The following RASAL2 variants were observed in gnomAD, a reference collection of about 807,000 sequenced individuals.
RASAL2 encodes ras GTPase-activating protein nGAP.
In RASAL2, 58 loss-of-function variants were observed where a neutral mutation model predicts 128.9. That is an observed-to-expected ratio of 0.45 (90% CI 0.36 to 0.56). RASAL2 has a LOEUF of 0.56. Among genes scored for constraint, RASAL2 ranks in the 20% least tolerant of loss-of-function variants. The pLI is 0.00. For synonymous variants in RASAL2, 561 were observed against 580.8 expected (o/e 0.97, Z 0.49); for missense variants, 1,360 against 1,601.6 (o/e 0.85, Z 2.57).
chr1:178,423,803 C>A (rs1278127200), intron 5 of RASAL2, among the ~76,000 whole-genome samples: 1 of 152,044 alleles, frequency 6.6e-6, no homozygotes, highest in Non-Finnish European at 1.5e-5. Flanking sequence ...CTGTGACTTA[C>A]CTATTTCCTT....
chr1:178,314,911 G>A (rs1032317363), intron 3 of RASAL2, among the ~76,000 whole-genome samples: 1 of 146,016 alleles, frequency 6.8e-6, no homozygotes, highest in African/African-American at 2.5e-5. Context: ...CTAGCATTAG[G>A]TATATCTCCC....
chr1:178,301,621 C>T (rs911999496), intron 3 of RASAL2, among the ~76,000 whole-genome samples: 2 of 151,914 alleles, frequency 1.3e-5, no homozygotes, highest in Non-Finnish European at 2.9e-5. Flanking sequence ...TTAATAGAGA[C>T]AGGGTTTCAC....
chr1:178,212,737 G>A (rs1364236749), intron 1 of RASAL2, among the ~76,000 whole-genome samples: 1 of 152,056 alleles, frequency 6.6e-6, no homozygotes, highest in Non-Finnish European at 1.5e-5. Flanking sequence ...TGATCCACCT[G>A]CCTCAGCCTC....
At chr1:178,339,391 A>T (rs1669751058) in intron 3 of RASAL2, among the ~76,000 whole-genome samples, 1 of 152,188 alleles carries the variant, frequency 6.6e-6, no homozygotes, top group Admixed American at 6.5e-5. Flanking sequence ...ATAGAGACTG[A>T]AGTGACTGGT....
chr1:178,277,239 A>G (rs1666564243), intron 1 of RASAL2, among the ~76,000 whole-genome samples: 1 of 151,914 alleles, frequency 6.6e-6, no homozygotes, highest in Admixed American at 6.6e-5. Context: ...TGTTGTGAAC[A>G]TGTTGATGAA....
Position 178,458,168 on chromosome 1 carries a change from G to A in RASAL2, c.2876G>A (p.Ser959Asn), listed in dbSNP as rs1487768600. The A allele has an allele frequency of 1.2e-6, 2 of 1,614,222 alleles. No individual in the cohort carries two copies. The highest frequency in any genetic ancestry group is 1.7e-6 in the Non-Finnish European group (2 of 1,180,044). ...GCCAGTTCCAGAAGCCAAAGTAACA[G>A]TGAAGACTTCAAGCTCAGTGGACCC... ...STASSRSQSNSEDFKLSGPSN... is the reference protein window; with the variant it reads ...STASSRSQSNNEDFKLSGPSN... The change falls in exon 14 of 18, where the codon AGT becomes AAT. Residue 959 changes from serine (S) to asparagine (N), a missense_variant. Around this residue, in one of 3 missense-constraint regions of RASAL2, gnomAD observed 741 missense variants for 868.6 expected, o/e 0.85. Coordinates refer to ENST00000367649, the MANE Select transcript of RASAL2 (RefSeq NM_170692.4).
chr1:178,176,107 T>C lies in RASAL2; in HGVS notation c.202+81413T>C, dbSNP rs1394836638. 2.0e-5 allele frequency among the ~76,000 whole-genome samples: 3 copies of C among 152,184 alleles called. No individual in the cohort carries two copies. In the East Asian group the frequency reaches 5.8e-4, roughly 29 times the overall value. On this transcript the variant is annotated intron_variant, in intron 1 of 17. Transcript: ENST00000367649. ...TTGCTGGATGGAATGGTAGATCTAC[T>C]TTTAGTTCTTTAAGAAATCTCCATA...
intron 1 of RASAL2, among the ~76,000 whole-genome samples, chr1:178,209,839 T>C (rs940472436): frequency 6.6e-6 from 1 of 152,080 alleles, no homozygotes; most frequent in African/African-American, 2.4e-5. Context: ...CTGCCTGTTT[T>C]AGGGGCCTTC....
chr1:178,433,578 C>T (rs1676065505), intron 5 of RASAL2, among the ~76,000 whole-genome samples: 1 of 151,896 alleles, frequency 6.6e-6, no homozygotes, highest in Non-Finnish European at 1.5e-5. Flanking sequence ...AAACGAGAAA[C>T]TAATGGGAAA....
At chr1:178,318,346 C>A (rs1302483090) in intron 3 of RASAL2, among the ~76,000 whole-genome samples, 3 of 149,598 alleles carry the variant, frequency 2.0e-5, no homozygotes, top group Non-Finnish European at 4.5e-5. Flanking sequence ...CCTGGGTATC[C>A]TTGTTGACTT....
chr1:178,351,112 A>G (rs990698648), intron 3 of RASAL2, among the ~76,000 whole-genome samples: 4 of 152,172 alleles, frequency 2.6e-5, no homozygotes, highest in Non-Finnish European at 5.9e-5. Flanking sequence ...TCCTGATGAC[A>G]GGACCAAGGT....
intron 1 of RASAL2, among the ~76,000 whole-genome samples, chr1:178,227,902 A>G (rs1341911085): frequency 2.0e-5 from 3 of 152,198 alleles, no homozygotes; most frequent in Non-Finnish European, 2.9e-5. Context: ...TGGTTCTAGT[A>G]TCATTGTTTC....
At chr1:178,236,633 A>G (rs1313003119) in intron 1 of RASAL2, among the ~76,000 whole-genome samples, 1 of 152,174 alleles carries the variant, frequency 6.6e-6, no homozygotes, top group Non-Finnish European at 1.5e-5. Context: ...TGCTTTAAGC[A>G]TTATGATTGG....
chr1:178,169,467 A>C (rs1216734620), intron 1 of RASAL2, among the ~76,000 whole-genome samples: 1 of 152,142 alleles, frequency 6.6e-6, no homozygotes, highest in Non-Finnish European at 1.5e-5. Flanking sequence ...TGTTCTTTTT[A>C]ATCATTACAA....
chr1:178,277,230 G>C (rs1666564040), intron 1 of RASAL2, among the ~76,000 whole-genome samples: 1 of 149,862 alleles, frequency 6.7e-6, no homozygotes, highest in Non-Finnish European at 1.5e-5. Context: ...TGTTAAAACT[G>C]TTGTGAACAT....
chr1:178,260,968 T>C (rs1186008224), intron 1 of RASAL2, among the ~76,000 whole-genome samples: 2 of 152,220 alleles, frequency 1.3e-5, no homozygotes, highest in African/African-American at 2.4e-5. Flanking sequence ...ATAGAAATTG[T>C]TGTTGTTCTA....
At chr1:178,302,768 G>A (rs1167738864) in intron 3 of RASAL2, among the ~76,000 whole-genome samples, 19 of 152,126 alleles carry the variant, frequency 1.2e-4, no homozygotes, top group Admixed American at 1.1e-3. Flanking sequence ...TAGGCCGGGC[G>A]CAGTGGTTCA....
chr1:178,341,732 G>T, intron 3 of RASAL2: 2 of 1,423,192 alleles, frequency 1.4e-6, no homozygotes, highest in South Asian at 2.5e-5. Context: ...TAAAAAAATA[G>T]GTTGGTTTTT....
chr1:178,456,967 C>A, intron 13 of RASAL2, 68 bp downstream of exon 13: 1 of 1,491,694 alleles, frequency 6.7e-7, no homozygotes, highest in South Asian at 1.2e-5. Flanking sequence ...GAAGTATATT[C>A]AACCTATTTG....
Sources: gnomAD v4.1 joint callset for allele counts (sites outside exome capture counted in the v4.1 genomes callset) on GRCh38, gnomAD v4.1.1 for gene constraint, gnomAD v4.1.1 regional missense constraint, MANE v1.5 for transcripts, NCBI Gene and HGNC (gene_info 2026-07-23, HGNC 2026-07-21) for gene names.